ESCO1: variants seen among roughly 807,000 people sequenced by gnomAD.
ESCO1 encodes establishment of sister chromatid cohesion N-acetyltransferase 1, also known as N-acetyltransferase ESCO1.
ESCO1 carries 33 observed loss-of-function variants against 83.5 expected under a neutral mutation model. That is an observed-to-expected ratio of 0.40 (90% CI 0.30 to 0.53). ESCO1 has a LOEUF of 0.53. Ranked by LOEUF, ESCO1 falls within the 20% of genes least tolerant of loss-of-function variation. The pLI, the probability that ESCO1 is intolerant of heterozygous loss-of-function variation, is 0.63. For synonymous variants in ESCO1, 332 were observed against 324.3 expected (o/e 1.02, Z -0.25); for missense variants, 855 against 968.0 (o/e 0.88, Z 1.55).
At chr18:21,551,112 C>T (rs371299113) in intron 8 of ESCO1, among the ~76,000 whole-genome samples, 1 of 75,280 alleles carries the variant, frequency 1.3e-5, no homozygotes, top group East Asian at 5.1e-4. Context: ...AACTCTGTCT[C>T]AAAAAAAAAA....
intron 4 of ESCO1, among the ~76,000 whole-genome samples, chr18:21,572,662 A>G (rs1354250180): frequency 1.3e-5 from 2 of 152,180 alleles, no homozygotes; most frequent in Admixed American, 6.6e-5. Flanking sequence ...TTTAATATTT[A>G]GGTCAAAAGT....
intron 7 of ESCO1, among the ~76,000 whole-genome samples, chr18:21,563,479 C>T (rs184895385): frequency 1.3e-5 from 2 of 152,224 alleles, no homozygotes; most frequent in East Asian, 1.9e-4. Context: ...TCCTAAGTAG[C>T]TGGGATTACA....
chr18:21,532,769 G>C, intron 10 of ESCO1, 109 bp from the exon 11 acceptor site: 1 of 971,058 alleles, frequency 1.0e-6, no homozygotes, highest in Non-Finnish European at 1.5e-6. Flanking sequence ...CAAACTATGG[G>C]GCCACTTATG....
chr18:21,565,739 C>G (rs759168836), intron 6 of ESCO1, among the ~76,000 whole-genome samples: 6 of 152,074 alleles, frequency 3.9e-5, no homozygotes, highest in Non-Finnish European at 5.9e-5. Context: ...GAGTTCGAGA[C>G]CAGCCTGAGC....
chr18:21,577,785 G>A (rs1367530180), intron 2 of ESCO1, among the ~76,000 whole-genome samples: 1 of 152,092 alleles, frequency 6.6e-6, no homozygotes, highest in Non-Finnish European at 1.5e-5. Context: ...AACAGGCACA[G>A]TTGAGGATGG....
At chr18:21,566,434 T>C (rs1163893429) in intron 5 of ESCO1, among the ~76,000 whole-genome samples, 1 of 152,246 alleles carries the variant, frequency 6.6e-6, no homozygotes, top group Non-Finnish European at 1.5e-5. Flanking sequence ...AGAGCTGTAA[T>C]GGTAGATTAG....
At chr18:21,569,846 T>A (rs2146206926) in intron 4 of ESCO1, among the ~76,000 whole-genome samples, 1 of 152,094 alleles carries the variant, frequency 6.6e-6, no homozygotes, top group East Asian at 1.9e-4. Flanking sequence ...CAAGACTCCG[T>A]CTCAAAAAAG....
At chr18:21,546,423 C>T (rs551609293) in intron 8 of ESCO1, among the ~76,000 whole-genome samples, 14 of 152,140 alleles carry the variant, frequency 9.2e-5, no homozygotes, top group African/African-American at 2.9e-4. Context: ...CAACAGAAAA[C>T]GACTGAGAAG....
At chr18:21,592,524 T>G (rs1167909668) in intron 1 of ESCO1, among the ~76,000 whole-genome samples, 3 of 138,720 alleles carry the variant, frequency 2.2e-5, no homozygotes, top group Non-Finnish European at 4.6e-5. Context: ...GCCCCTCACC[T>G]CCTGGACAGG....
intron 8 of ESCO1, among the ~76,000 whole-genome samples, chr18:21,556,503 G>GT (rs2038114016): frequency 6.6e-6 from 1 of 152,168 alleles, no homozygotes; most frequent in Non-Finnish European, 1.5e-5. Context: ...TCAACTTTCT[G>GT]TAGCAGCACT....
chr18:21,563,829 G>C (rs1175152676), intron 7 of ESCO1, among the ~76,000 whole-genome samples: 2 of 151,998 alleles, frequency 1.3e-5, no homozygotes, highest in Non-Finnish European at 2.9e-5. Context: ...TTGGAGGTGG[G>C]GCTTAGTGAG....
intron 8 of ESCO1, among the ~76,000 whole-genome samples, chr18:21,553,778 A>G (rs887038931): frequency 3.3e-5 from 5 of 150,356 alleles, no homozygotes; most frequent in Non-Finnish European, 7.4e-5. Flanking sequence ...AATCGCTTGA[A>G]CCCGAGAGGT....
chr18:21,566,055 G>A, intron 6 of ESCO1, 91 bp downstream of exon 6: 3 of 1,144,002 alleles, frequency 2.6e-6, no homozygotes, highest in Non-Finnish European at 3.9e-6. Context: ...TAAACTGAGG[G>A]TTACTAGCAT....
chr18:21,598,640 T>C (rs147973250), intron 1 of ESCO1, among the ~76,000 whole-genome samples: 1 of 151,790 alleles, frequency 6.6e-6, no homozygotes, highest in Non-Finnish European at 1.5e-5. Context: ...AGGCGGAGAT[T>C]GCAGTGAGCC....
chr18:21,544,452 C>CA lies in ESCO1; in HGVS notation c.1954-4444dup, dbSNP rs1052888092. On this transcript the variant is annotated intron_variant, in intron 8 of 11. Transcript: ENST00000269214. Reference sequence around the variant, plus strand: ...TGAAACCTCGTTTCTACTAAAAATACAAAAAAAAAACAAAAAAAAAACAAA... The same window carrying CA: ...TGAAACCTCGTTTCTACTAAAAATACAAAAAAAAAAACAAAAAAAAAACAAA... Among the ~76,000 whole-genome samples the CA allele has an allele frequency of 9.5e-3, 1,245 of 130,826 alleles. 10 individuals are homozygous for CA. Among genetic ancestry groups the CA allele is most frequent in the African/African-American group, 0.026 (883 of 34,522 alleles). The allele number at this position is 130,826 out of a possible 152,430, so 85.8% of individuals were successfully genotyped here.
At chr18:21,566,357 T>C (rs1043230894) in intron 5 of ESCO1, 151 bp from the exon 6 acceptor site, 1 of 672,426 alleles carries the variant, frequency 1.5e-6, no homozygotes. Flanking sequence ...TAGAACCTTC[T>C]TCCTAGATAC....
chr18:21,537,952 ATT>A (rs1339978713), intron 9 of ESCO1, among the ~76,000 whole-genome samples: 1 of 152,070 alleles, frequency 6.6e-6, no homozygotes, highest in Non-Finnish European at 1.5e-5. Flanking sequence ...TTTTTTGGGA[ATT>A]GTGACAATAT....
At chr18:21,551,447 A>G (rs556407725) in intron 8 of ESCO1, among the ~76,000 whole-genome samples, 14 of 152,240 alleles carry the variant, frequency 9.2e-5, no homozygotes, top group Non-Finnish European at 1.9e-4. Context: ...AGAAAAAAAA[A>G]AGAAACTCAA....
intron 6 of ESCO1, 86 bp downstream of exon 6, chr18:21,566,060 T>C (rs1001031967): frequency 1.4e-5 from 17 of 1,215,286 alleles, no homozygotes; most frequent in Admixed American, 3.7e-5. Context: ...TGAGGGTTAC[T>C]AGCATAACTT....
Sources: allele counts gnomAD v4.1 joint callset (sites outside exome capture counted in the v4.1 genomes callset), GRCh38; gene constraint gnomAD v4.1.1; transcripts MANE v1.5; gene names NCBI Gene and HGNC (gene_info 2026-07-23, HGNC 2026-07-21).